HIVEP3: variants seen among roughly 807,000 people sequenced by gnomAD.
HIVEP3 encodes the protein transcription factor HIVEP3.
A neutral mutation model predicts 152.8 loss-of-function variants in HIVEP3; 49 were observed. The ratio of observed to expected loss-of-function variants is 0.32; its 90% confidence interval spans 0.26 to 0.41. The LOEUF (loss-of-function observed/expected upper bound fraction) is 0.41. Among genes scored for constraint, HIVEP3 ranks in the 10% least tolerant of loss-of-function variants. HIVEP3 has a pLI of 1.00. For synonymous variants in HIVEP3, 1,269 were observed against 1,289.0 expected (o/e 0.98, Z 0.33); for missense variants, 2,790 against 3,103.3 (o/e 0.90, Z 2.40).
At position 41,735,472 on chromosome 1, in the gene HIVEP3, G is replaced by A. The variant is rs189692517; in HGVS notation, c.-800-34477C>T. ...GAAAATGAGCCACAACAGTGTGGGA[G>A]TTTGTGGCAGTATGAGGGCTGAGCT... On this transcript the variant is annotated intron_variant, in intron 1 of 8. Coordinates refer to ENST00000372583, the MANE Select transcript of HIVEP3 (RefSeq NM_024503.5). Among the ~76,000 whole-genome samples, 45 of 152,316 alleles carry A rather than the reference G, an allele frequency of 3.0e-4. No individual in the cohort carries two copies. In the East Asian group the frequency reaches 8.5e-3, roughly 29 times the overall value.
chr1:41,898,402 G>A (rs1273106311), intron 1 of HIVEP3, among the ~76,000 whole-genome samples: 6 of 152,140 alleles, frequency 3.9e-5, no homozygotes, highest in East Asian at 1.9e-4. Context: ...TCACCAAAAC[G>A]CATCATCATC....
At chr1:42,005,648 C>G (rs1237695798) in intron 1 of HIVEP3, among the ~76,000 whole-genome samples, 1 of 152,140 alleles carries the variant, frequency 6.6e-6, no homozygotes, top group Non-Finnish European at 1.5e-5. Context: ...TGGTTGATAA[C>G]CTTGTTTTGC....
intron 2 of HIVEP3, among the ~76,000 whole-genome samples, chr1:41,678,727 C>T (rs79729893): frequency 0.035 from 5,255 of 152,294 alleles, 308 homozygotes; most frequent in Admixed American, 0.16. Context: ...CTGCCCTACC[C>T]GCTTGAGGCC....
At chr1:41,638,256 G>GAGAGAGAAAGAAAGAAAGAA (rs1553241158) in intron 2 of HIVEP3, among the ~76,000 whole-genome samples, 19 of 120,910 alleles carry the variant, frequency 1.6e-4, no homozygotes, top group African/African-American at 6.6e-4. Flanking sequence ...AAGAAAGAGA[G>GAGAGAGAAAGAAAGAAAGAA]AGAAAGAAAG....
chr1:41,622,561 G>C (rs1358848131), intron 3 of HIVEP3, among the ~76,000 whole-genome samples: 1 of 152,210 alleles, frequency 6.6e-6, no homozygotes, highest in East Asian at 1.9e-4. Context: ...CATATTATCT[G>C]TGGTTGCTTC....
intron 1 of HIVEP3, among the ~76,000 whole-genome samples, chr1:41,861,996 G>T (rs1183000340): frequency 6.6e-6 from 1 of 152,078 alleles, no homozygotes; most frequent in Non-Finnish European, 1.5e-5. Context: ...TTTGGCCGGG[G>T]GGCGGATGAA....
chr1:41,786,232 T>C (rs1649340716), intron 1 of HIVEP3, among the ~76,000 whole-genome samples: 1 of 152,224 alleles, frequency 6.6e-6, no homozygotes, highest in Non-Finnish European at 1.5e-5. Context: ...TCCACCCTAA[T>C]ACAGGCTTGT....
At chr1:41,719,481 C>T (rs148369234) in intron 1 of HIVEP3, among the ~76,000 whole-genome samples, 2,207 of 152,296 alleles carry the variant, frequency 0.014, 26 homozygotes, top group Non-Finnish European at 0.018. Flanking sequence ...GTGAGTTTTC[C>T]TTCCCTTGGC....
At chr1:41,591,906 G>A (rs1266124975) in intron 3 of HIVEP3, among the ~76,000 whole-genome samples, 1 of 152,122 alleles carries the variant, frequency 6.6e-6, no homozygotes, top group African/African-American at 2.4e-5. Context: ...AGCGGGCTGG[G>A]AAGTCTTCAA....
chr1:41,803,888 G>A (rs981841116), intron 1 of HIVEP3, among the ~76,000 whole-genome samples: 2 of 152,096 alleles, frequency 1.3e-5, no homozygotes, highest in African/African-American at 4.8e-5. Context: ...TTAATCCTCT[G>A]GACATGATGA....
intron 5 of HIVEP3, among the ~76,000 whole-genome samples, chr1:41,537,447 G>A (rs866326752): frequency 1.3e-5 from 2 of 152,220 alleles, no homozygotes; most frequent in Non-Finnish European, 2.9e-5. Context: ...GGCAGCCTGT[G>A]TCCGTGAAGT....
chr1:41,938,664 A>T (rs1645031607), intron 1 of HIVEP3, among the ~76,000 whole-genome samples: 1 of 152,230 alleles, frequency 6.6e-6, no homozygotes, highest in South Asian at 2.1e-4. Flanking sequence ...ATGGTCAGAG[A>T]TACAAATGAT....
chr1:41,757,556 T>C, intron 1 of HIVEP3, among the ~76,000 whole-genome samples: 1 of 152,112 alleles, frequency 6.6e-6, no homozygotes, highest in Admixed American at 6.6e-5. Flanking sequence ...AGATTGAGAC[T>C]GTGTCTCAAA....
chr1:41,590,190 TG>T (rs1644567159), intron 3 of HIVEP3, among the ~76,000 whole-genome samples: 1 of 152,182 alleles, frequency 6.6e-6, no homozygotes, highest in African/African-American at 2.4e-5. Flanking sequence ...TAACAGGGAT[TG>T]GTAGTCAAAG....
At chr1:41,923,703 T>G (rs1443377410), upstream of HIVEP3, among the ~76,000 whole-genome samples, 1 of 152,254 alleles carries the variant, frequency 6.6e-6, no homozygotes, top group Non-Finnish European at 1.5e-5. Context: ...CTAATTAGCC[T>G]GATTTGGTCA....
chr1:41,618,176 G>A (rs187776710), intron 3 of HIVEP3, among the ~76,000 whole-genome samples: 58 of 152,352 alleles, frequency 3.8e-4, no homozygotes, highest in Admixed American at 3.6e-3. Flanking sequence ...GGAAGGGAGG[G>A]CTGTTTGTTC....
intron 1 of HIVEP3, among the ~76,000 whole-genome samples, chr1:41,805,706 C>T (rs1482260713): frequency 6.6e-6 from 1 of 152,178 alleles, no homozygotes; most frequent in East Asian, 1.9e-4. Flanking sequence ...TGTGTTCTTC[C>T]ATTTTAAAAT....
intron 2 of HIVEP3, among the ~76,000 whole-genome samples, chr1:41,680,974 C>T (rs1188090123): frequency 6.6e-6 from 1 of 152,194 alleles, no homozygotes; most frequent in Non-Finnish European, 1.5e-5. Context: ...TTAAGCCTCA[C>T]AATAATAATC....
chr1:41,955,676 C>T (rs1166263016), intron 1 of HIVEP3, among the ~76,000 whole-genome samples: 1 of 152,152 alleles, frequency 6.6e-6, no homozygotes, highest in African/African-American at 2.4e-5. Context: ...GGGCACAGTT[C>T]CTTTTTGTTC....
Sources: allele counts gnomAD v4.1 joint callset (sites outside exome capture counted in the v4.1 genomes callset), GRCh38; gene constraint gnomAD v4.1.1; transcripts MANE v1.5; gene names NCBI Gene and HGNC (gene_info 2026-07-23, HGNC 2026-07-21).